ANK1: variants seen among roughly 807,000 people sequenced by gnomAD.
The protein encoded by ANK1 is ankyrin-1.
A neutral mutation model predicts 210.4 loss-of-function variants in ANK1; 51 were observed. The ratio of observed to expected loss-of-function variants is 0.24; its 90% CI spans 0.19 to 0.31. The LOEUF (loss-of-function observed/expected upper bound fraction) is 0.31, where lower values mean the gene tolerates loss of function less well. Among genes scored for constraint, ANK1 ranks in the 10% least tolerant of loss-of-function variants. The pLI is 1.00. For synonymous variants in ANK1, 967 were observed against 1,025.9 expected (o/e 0.94, Z 1.10); for missense variants, 2,051 against 2,504.4 (o/e 0.82, Z 3.86).
At chr8:41,660,686 CG>C (rs1398299418) in intron 42 of ANK1, among the ~76,000 whole-genome samples, 1 of 152,228 alleles carries the variant, frequency 6.6e-6, no homozygotes, top group Non-Finnish European at 1.5e-5. Context: ...GCCCAGGCCC[CG>C]GCCCCAACCC....
chr8:41,857,488 C>T (rs185090437), intron 1 of ANK1, among the ~76,000 whole-genome samples: 25 of 152,002 alleles, frequency 1.6e-4, no homozygotes, highest in Non-Finnish European at 1.2e-4. Flanking sequence ...CCTGTAATCC[C>T]AGCACTTTGG....
chr8:41,728,930 C>G (rs1028176006), intron 3 of ANK1, among the ~76,000 whole-genome samples: 1 of 152,214 alleles, frequency 6.6e-6, no homozygotes, highest in South Asian at 2.1e-4. Context: ...TTCTGCAAGG[C>G]AACAAGCCCT....
chr8:41,660,793 A>G (rs1390793265), intron 42 of ANK1, among the ~76,000 whole-genome samples: 4 of 152,132 alleles, frequency 2.6e-5, no homozygotes, highest in African/African-American at 9.7e-5. Flanking sequence ...GTGTTTCACA[A>G]AACACCAAAG....
intron 39 of ANK1, chr8:41,665,496 G>A (rs1207912113): frequency 5.8e-6 from 2 of 343,854 alleles, no homozygotes; most frequent in Non-Finnish European, 1.1e-5. Context: ...ATCCCCATGG[G>A]AACTAGAAAG....
At position 41,663,747 on chromosome 8, in the gene ANK1, A is replaced by C; in HGVS notation, c.5395-5T>G. The C allele has an allele frequency of 6.2e-7, 1 of 1,611,590 alleles. No homozygotes were observed. Among genetic ancestry groups the C allele is most frequent in the South Asian group, 1.1e-5 (1 of 91,018 alleles). On this transcript the variant is annotated splice_polypyrimidine_tract_variant and splice_region_variant and intron_variant, in intron 39 of 42. Transcript: ENST00000289734. ...AATATTCTGAAACTCATTCCCCTGG[A>C]ATTAGAGAAAGGGAGAAAATGCAAG...
chr8:41,727,996 G>A lies in ANK1; in HGVS notation c.239C>T (p.Thr80Met), dbSNP rs1255282821. ...ILETTTKKGNTALHIAALAGQ... is the reference protein window; with the variant it reads ...ILETTTKKGNMALHIAALAGQ... ...GGCTAGAGCAGCGATGTGCAGGGCC[G>A]TGTTCCCCTTCTGAAACACATGGGG... Residue 80 changes from threonine (T) to methionine (M), a missense_variant, in exon 4 of 43, where the codon ACG becomes ATG. This residue lies in a region of ANK1 where 72 missense variants were observed against 133.5 expected (regional missense o/e 0.54). Transcript: ENST00000289734. 1.9e-6 allele frequency: 3 copies of A among 1,613,898 alleles called. No homozygotes were observed. Among genetic ancestry groups the A allele is most frequent in the East Asian group, 4.5e-5 (2 of 44,890 alleles).
intron 2 of ANK1, among the ~76,000 whole-genome samples, chr8:41,748,425 C>T (rs1338272717): frequency 6.6e-6 from 1 of 152,206 alleles, no homozygotes; most frequent in East Asian, 1.9e-4. Flanking sequence ...TAGATCTATA[C>T]AGATCTAGCT....
chr8:41,655,136 G>GA lies in ANK1; in HGVS notation c.*653_*654insT. ...GATTCAGTGGAGGCGAGTGGTGTGTGTGTGTGTGTGTGTGTGTCCTGAATG... is the reference window on the plus strand; with the variant it reads ...GATTCAGTGGAGGCGAGTGGTGTGTGATGTGTGTGTGTGTGTGTCCTGAATG... On this transcript the variant is annotated 3_prime_UTR_variant, in exon 43 of 43. Transcript: ENST00000289734. 1 of 143,152 alleles carries GA rather than the reference G, an allele frequency of 7.0e-6. No homozygotes were observed. The highest frequency in any genetic ancestry group is 6.9e-5 in the Admixed American group (1 of 14,452). The allele number at this position is 143,152 out of a possible 1,614,324, so 8.9% of individuals were successfully genotyped here. A position where few individuals can be genotyped will look rare whatever the true frequency, so the allele number is the denominator to read the frequency against.
intron 36 of ANK1, 51 bp downstream of exon 36, chr8:41,686,101 T>C: frequency 1.2e-6 from 2 of 1,613,562 alleles, no homozygotes; most frequent in Non-Finnish European, 1.7e-6. Context: ...AAGAACTAGT[T>C]TGGTGGGGAG....
chr8:41,749,435 C>G (rs1282251066), intron 2 of ANK1, among the ~76,000 whole-genome samples: 2 of 150,664 alleles, frequency 1.3e-5, no homozygotes, highest in African/African-American at 4.9e-5. Context: ...GTAGCTAGGA[C>G]TGTAGGCACC....
chr8:41,729,159 G>A lies in ANK1; in HGVS notation c.229-1153C>T, dbSNP rs186415175. ...GAAGAAAAATCAGAAAATAAATGGGGGGTAATAAATGGAATACAATCTGGC... is the reference window on the plus strand; with the variant it reads ...GAAGAAAAATCAGAAAATAAATGGGAGGTAATAAATGGAATACAATCTGGC... On this transcript the variant is annotated intron_variant, in intron 3 of 42. Coordinates refer to ENST00000289734, the MANE Select transcript of ANK1 (RefSeq NM_000037.4). 1.9e-3 allele frequency among the ~76,000 whole-genome samples: 295 copies of A among 152,198 alleles called. 2 individuals carry two copies. The highest frequency in any genetic ancestry group is 6.8e-3 in the African/African-American group (282 of 41,514).
intron 1 of ANK1, among the ~76,000 whole-genome samples, chr8:41,821,293 G>A (rs1437952614): frequency 6.6e-6 from 1 of 152,114 alleles, no homozygotes; most frequent in African/African-American, 2.4e-5. Flanking sequence ...ATATATAGGA[G>A]TTGTAACATT....
intron 23 of ANK1, 82 bp from the exon 24 acceptor site, chr8:41,698,203 C>T (rs919551322): frequency 3.2e-5 from 47 of 1,462,508 alleles, no homozygotes; most frequent in Non-Finnish European, 4.1e-5. Context: ...CCAAGCCTCT[C>T]CCTCCGGCTT....
chr8:41,854,704 C>A (rs1249597267), intron 1 of ANK1, among the ~76,000 whole-genome samples: 2 of 152,106 alleles, frequency 1.3e-5, no homozygotes, highest in Admixed American at 1.3e-4. Flanking sequence ...CTTCAGGAGG[C>A]CAACAGAGGA....
intron 1 of ANK1, among the ~76,000 whole-genome samples, chr8:41,775,123 T>A (rs915169227): frequency 6.6e-6 from 1 of 151,320 alleles, no homozygotes; most frequent in African/African-American, 2.4e-5. Context: ...GGCTCCAGAG[T>A]TTCTGAAGGA....
At chr8:41,681,762 GTCC>G (rs1816131053) in intron 37 of ANK1, among the ~76,000 whole-genome samples, 1 of 136,124 alleles carries the variant, frequency 7.3e-6, no homozygotes, top group African/African-American at 2.8e-5. Flanking sequence ...ACCTCTGACT[GTCC>G]TGCCACCTTC....
intron 1 of ANK1, among the ~76,000 whole-genome samples, chr8:41,881,346 A>G (rs923521142): frequency 6.6e-6 from 1 of 152,202 alleles, no homozygotes; most frequent in African/African-American, 2.4e-5. Context: ...TTCCCATTCT[A>G]AGGCACTGCC....
intron 37 of ANK1, among the ~76,000 whole-genome samples, chr8:41,680,797 C>T (rs1815730919): frequency 6.6e-6 from 1 of 152,144 alleles, no homozygotes; most frequent in Non-Finnish European, 1.5e-5. Flanking sequence ...TGCAGAAGCA[C>T]AAGTGCATCC....
intron 1 of ANK1, among the ~76,000 whole-genome samples, chr8:41,894,190 A>T (rs10958703): frequency 0.64 from 96,626 of 151,914 alleles, 32,779 homozygotes; most frequent in African/African-American, 0.88. Context: ...TCCTAAGAGT[A>T]TGCGTCACTG....
Sources: gnomAD v4.1 joint callset for allele counts (sites outside exome capture counted in the v4.1 genomes callset) on GRCh38, gnomAD v4.1.1 for gene constraint, gnomAD v4.1.1 regional missense constraint, MANE v1.5 for transcripts, NCBI Gene and HGNC (gene_info 2026-07-23, HGNC 2026-07-21) for gene names.